Variants in RASGRF2 observed in about 807,000 individuals in gnomAD.
RASGRF2 encodes ras-specific guanine nucleotide-releasing factor 2.
In RASGRF2, 76 loss-of-function variants were observed where a neutral mutation model predicts 151.0. The observed-to-expected ratio is 0.50, with a 90% CI of 0.42 to 0.61. The LOEUF (loss-of-function observed/expected upper bound fraction) is 0.61, where lower values mean the gene tolerates loss of function less well. Ranked by LOEUF, RASGRF2 falls within the 20% of genes least tolerant of loss-of-function variation. The pLI is 0.00. For missense variants in RASGRF2, 1,148 were observed against 1,564.6 expected, an observed-to-expected ratio of 0.73 and a Z score of 4.49; for synonymous variants, 504 against 566.5, an observed-to-expected ratio of 0.89 and a Z score of 1.57.
chr5:81,095,578 C>A (rs1035025387), intron 12 of RASGRF2, among the ~76,000 whole-genome samples: 1 of 152,164 alleles, frequency 6.6e-6, no homozygotes, highest in Non-Finnish European at 1.5e-5. Flanking sequence ...CAAAACTAGT[C>A]ATGATTGGAC....
intron 12 of RASGRF2, among the ~76,000 whole-genome samples, chr5:81,106,245 A>G (rs996792465): frequency 6.6e-6 from 1 of 152,104 alleles, no homozygotes; most frequent in Non-Finnish European, 1.5e-5. Context: ...TCAGTAGTTC[A>G]TCAATTTTTA....
chr5:81,034,254 A>G (rs929900423), intron 1 of RASGRF2, among the ~76,000 whole-genome samples: 1 of 152,256 alleles, frequency 6.6e-6, no homozygotes, highest in Non-Finnish European at 1.5e-5. Context: ...ATGAGATATC[A>G]TCTTACACCA....
intron 2 of RASGRF2, among the ~76,000 whole-genome samples, chr5:81,049,660 A>G (rs1428244990): frequency 1.3e-5 from 2 of 151,476 alleles, no homozygotes; most frequent in South Asian, 4.2e-4. Flanking sequence ...CTCTTTCTCA[A>G]TACTTTCTCT....
intron 21 of RASGRF2, among the ~76,000 whole-genome samples, chr5:81,207,701 TGATC>T (rs1755541760): frequency 6.6e-6 from 1 of 152,266 alleles, no homozygotes; most frequent in African/African-American, 2.4e-5. Context: ...ATGAAGTGAA[TGATC>T]AGGAATGCTG....
At chr5:81,077,869 G>T (rs1751983096) in intron 5 of RASGRF2, among the ~76,000 whole-genome samples, 1 of 152,126 alleles carries the variant, frequency 6.6e-6, no homozygotes, top group African/African-American at 2.4e-5. Context: ...CTTTTAGGTT[G>T]CCTCTGGCTC....
chr5:81,019,048 A>G (rs960107397), intron 1 of RASGRF2, among the ~76,000 whole-genome samples: 1 of 151,896 alleles, frequency 6.6e-6, no homozygotes, highest in African/African-American at 2.4e-5. Context: ...GATCCCCCCA[A>G]CCTCGGCCTC....
At chr5:81,053,869 A>G (rs1441384729) in intron 2 of RASGRF2, among the ~76,000 whole-genome samples, 18 of 152,180 alleles carry the variant, frequency 1.2e-4, no homozygotes, top group Non-Finnish European at 2.2e-4. Context: ...CATTTCTCTG[A>G]CGGCCAGTGA....
intron 23 of RASGRF2, among the ~76,000 whole-genome samples, chr5:81,212,780 A>G (rs1755654692): frequency 6.6e-6 from 1 of 152,210 alleles, no homozygotes; most frequent in Non-Finnish European, 1.5e-5. Context: ...TTTGGGGGAC[A>G]GCCACAAACA....
At chr5:81,184,091 T>C (rs4703825) in intron 18 of RASGRF2, among the ~76,000 whole-genome samples, 76,942 of 152,052 alleles carry the variant, frequency 0.51, 19,714 homozygotes, top group East Asian at 0.64. Flanking sequence ...ATGTTTCCAC[T>C]GTTCATTCTC....
At chr5:81,098,086 G>A (rs1000592308) in intron 12 of RASGRF2, among the ~76,000 whole-genome samples, 1 of 152,158 alleles carries the variant, frequency 6.6e-6, no homozygotes. Flanking sequence ...GGAGATTAGG[G>A]ATCTGAGCCT....
rs759343324 is a variant in RASGRF2 at position 81,068,014 on chromosome 5, G to GT, written c.396-17dup. 1.2e-5 allele frequency: 19 copies of GT among 1,583,934 alleles called. No homozygotes were observed. Among genetic ancestry groups the GT allele is most frequent in the Admixed American group, 3.5e-5 (2 of 56,924 alleles). ...TAGAACAATATCTCAATGACTAACT[G>GT]TGTAATTTTCTCTCAAGTTATGCAG... On this transcript the variant is annotated splice_polypyrimidine_tract_variant and intron_variant, in intron 2 of 26. Transcript: ENST00000265080.
chr5:81,210,416 A>G (rs1328486455), intron 22 of RASGRF2, among the ~76,000 whole-genome samples: 5 of 152,192 alleles, frequency 3.3e-5, no homozygotes, highest in Non-Finnish European at 5.9e-5. Flanking sequence ...TACAGTGTCA[A>G]CAGGGCAATT....
chr5:81,098,144 G>A (rs1043504460), intron 12 of RASGRF2, among the ~76,000 whole-genome samples: 4 of 152,202 alleles, frequency 2.6e-5, no homozygotes, highest in Non-Finnish European at 5.9e-5. Flanking sequence ...GTGGATTAGA[G>A]CTGAGATGTG....
At chr5:81,211,915 G>A (rs565883093) in intron 22 of RASGRF2, among the ~76,000 whole-genome samples, 7 of 152,254 alleles carry the variant, frequency 4.6e-5, no homozygotes, top group African/African-American at 1.7e-4. Context: ...GGGGGCAAGT[G>A]TTTTTTTCTT....
chr5:81,199,910 A>AAG (rs1358585319), intron 18 of RASGRF2, among the ~76,000 whole-genome samples: 4 of 151,082 alleles, frequency 2.6e-5, no homozygotes, highest in African/African-American at 4.9e-5. Flanking sequence ...AAAAAAAAAA[A>AAG]AAAAGAAAAT....
chr5:81,068,292 ACAT>A (rs1236989697), intron 3 of RASGRF2, 113 bp downstream of exon 3: 1 of 1,237,334 alleles, frequency 8.1e-7, no homozygotes, highest in African/African-American at 1.5e-5. Context: ...ACTTCCTCTG[ACAT>A]CAACACATAC....
intron 2 of RASGRF2, among the ~76,000 whole-genome samples, chr5:81,043,694 A>G (rs1463450302): frequency 6.6e-6 from 1 of 151,542 alleles, no homozygotes; most frequent in Non-Finnish European, 1.5e-5. Context: ...TTGCCTGTCC[A>G]CTCCCTAATC....
chr5:81,105,206 A>G (rs1752811990), intron 12 of RASGRF2, among the ~76,000 whole-genome samples: 1 of 152,280 alleles, frequency 6.6e-6, no homozygotes, highest in East Asian at 1.9e-4. Flanking sequence ...CTGTTAGTGC[A>G]GGTAGGATGA....
chr5:81,172,628 C>T (rs1359158347), intron 17 of RASGRF2, among the ~76,000 whole-genome samples: 1 of 152,184 alleles, frequency 6.6e-6, no homozygotes, highest in African/African-American at 2.4e-5. Flanking sequence ...GCCTCATTAG[C>T]ATCTTGCCAA....
Sources: allele counts gnomAD v4.1 joint callset (sites outside exome capture counted in the v4.1 genomes callset), GRCh38; gene constraint gnomAD v4.1.1; transcripts MANE v1.5; gene names NCBI Gene and HGNC (gene_info 2026-07-23, HGNC 2026-07-21).